Variants in GRIK2 observed in about 807,000 individuals in gnomAD.
GRIK2 encodes glutamate receptor ionotropic, kainate 2.
Under a neutral mutation model 100.3 loss-of-function variants are expected in GRIK2, and 32 were observed. That is an observed-to-expected ratio of 0.32 (90% CI 0.24 to 0.43). The LOEUF is 0.43. GRIK2 is among the 20% of genes least tolerant of loss of function. GRIK2 has a pLI of 1.00. For synonymous variants in GRIK2, 417 were observed against 389.4 expected (o/e 1.07, Z -0.83); for missense variants, 843 against 1,114.9 (o/e 0.76, Z 3.47).
At chr6:101,794,889 G>A (rs1251232923) in intron 7 of GRIK2, among the ~76,000 whole-genome samples, 9 of 144,268 alleles carry the variant, frequency 6.2e-5, no homozygotes, top group African/African-American at 1.8e-4. Flanking sequence ...TTTTTGAGAC[G>A]GAGTCTCACT....
At chr6:101,981,840 G>A (rs1793731045) in intron 14 of GRIK2, among the ~76,000 whole-genome samples, 1 of 151,862 alleles carries the variant, frequency 6.6e-6, no homozygotes, top group South Asian at 2.1e-4. Context: ...TCAAGTTGAA[G>A]ATGAGAAAGT....
intron 11 of GRIK2, among the ~76,000 whole-genome samples, chr6:101,886,872 C>G (rs552400095): frequency 2.3e-5 from 3 of 128,638 alleles, no homozygotes; most frequent in Non-Finnish European, 4.6e-5. Flanking sequence ...TGTTGCCTGG[C>G]TGGAGTGCAG....
At chr6:101,811,614 T>C (rs1781327160) in intron 9 of GRIK2, among the ~76,000 whole-genome samples, 1 of 151,988 alleles carries the variant, frequency 6.6e-6, no homozygotes, top group Non-Finnish European at 1.5e-5. Flanking sequence ...TGTATACATA[T>C]CAAGCAAATT....
chr6:101,858,848 T>C (rs1382932775), intron 10 of GRIK2, among the ~76,000 whole-genome samples: 1 of 152,062 alleles, frequency 6.6e-6, no homozygotes, highest in Non-Finnish European at 1.5e-5. Context: ...GCAATTTTTT[T>C]CATTAATTTT....
intron 7 of GRIK2, among the ~76,000 whole-genome samples, chr6:101,738,523 T>G (rs1423152241): frequency 6.6e-6 from 1 of 152,148 alleles, no homozygotes; most frequent in African/African-American, 2.4e-5. Flanking sequence ...TGCCCTATCT[T>G]CACAGCTTTT....
At chr6:101,595,124 T>C (rs990113697) in intron 2 of GRIK2, among the ~76,000 whole-genome samples, 2 of 151,574 alleles carry the variant, frequency 1.3e-5, no homozygotes, top group Non-Finnish European at 3.0e-5. Context: ...ATAGCCACTT[T>C]TGACAATGTG....
chr6:101,659,611 G>GA (rs1273561350), intron 4 of GRIK2, among the ~76,000 whole-genome samples: 2 of 152,164 alleles, frequency 1.3e-5, no homozygotes, highest in African/African-American at 2.4e-5. Context: ...GCTGGTACTA[G>GA]TTTTTCCTTT....
Position 101,399,634 on chromosome 6 carries a change from C to G in GRIK2, c.115+242C>G, listed in dbSNP as rs1242690408. 2.0e-5 allele frequency among the ~76,000 whole-genome samples: 3 copies of G among 152,146 alleles called. No individual in the cohort carries two copies. In the East Asian group the frequency reaches 5.8e-4, roughly 29 times the overall value. ...TGGTAGTGGTCTCTGCATTACCTCC[C>G]CACAGTAGCTTGCCACGGAGATGAT... On this transcript the variant is annotated intron_variant, in intron 2 of 16. Transcript: ENST00000369134.
At chr6:101,466,794 C>G (rs1771672594) in intron 2 of GRIK2, among the ~76,000 whole-genome samples, 1 of 152,096 alleles carries the variant, frequency 6.6e-6, no homozygotes, top group Non-Finnish European at 1.5e-5. Context: ...AGAGTTTTAG[C>G]AGGAAACTCC....
At position 101,759,432 on chromosome 6, in the gene GRIK2, A is replaced by G. The variant is rs181962192; in HGVS notation, c.952-40216A>G. Reference sequence around the variant, plus strand: ...TTTGCATAACAAAACAGCAGCAACTATTGAGTGTATAGAGATTTAGCTGTG... The same window carrying G: ...TTTGCATAACAAAACAGCAGCAACTGTTGAGTGTATAGAGATTTAGCTGTG... On this transcript the variant is annotated intron_variant, in intron 7 of 16. Coordinates refer to ENST00000369134, the MANE Select transcript of GRIK2 (RefSeq NM_021956.5). Among the ~76,000 whole-genome samples the G allele has an allele frequency of 1.0e-3, 156 of 152,172 alleles. 1 individual carries two copies. Among genetic ancestry groups the G allele is most frequent in the Non-Finnish European group, 2.0e-3 (136 of 68,028 alleles).
intron 14 of GRIK2, among the ~76,000 whole-genome samples, chr6:101,934,273 G>T (rs1790481412): frequency 6.6e-6 from 1 of 151,804 alleles, no homozygotes; most frequent in Admixed American, 6.6e-5. Flanking sequence ...TAAGTGTATT[G>T]ATCATTTTGG....
At chr6:101,850,329 G>A (rs1784062053) in intron 10 of GRIK2, among the ~76,000 whole-genome samples, 2 of 151,968 alleles carry the variant, frequency 1.3e-5, no homozygotes, top group African/African-American at 4.8e-5. Flanking sequence ...TTGGGACAGA[G>A]TAAGAGTTCA....
chr6:101,891,428 A>T (rs1787080595), intron 12 of GRIK2, among the ~76,000 whole-genome samples: 1 of 151,056 alleles, frequency 6.6e-6, no homozygotes, highest in Non-Finnish European at 1.5e-5. Context: ...GAGGCAGGAG[A>T]ATCGCTTGAA....
intron 2 of GRIK2, among the ~76,000 whole-genome samples, chr6:101,455,764 A>G (rs1464573637): frequency 2.6e-5 from 4 of 152,114 alleles, no homozygotes; most frequent in Admixed American, 1.3e-4. Flanking sequence ...CTCTATTTAA[A>G]TATGTTACAG....
At chr6:101,627,379 A>T (rs2786240) in intron 4 of GRIK2, among the ~76,000 whole-genome samples, 26,119 of 151,988 alleles carry the variant, frequency 0.17, 2,428 homozygotes, top group African/African-American at 0.25. Context: ...TGACCTTAAA[A>T]GATTCACCTG....
chr6:101,666,752 C>A (rs1387337948), intron 4 of GRIK2, among the ~76,000 whole-genome samples: 1 of 152,162 alleles, frequency 6.6e-6, no homozygotes, highest in Non-Finnish European at 1.5e-5. Flanking sequence ...AGAGTCCTAG[C>A]AGAAAGTAAA....
chr6:101,664,170 A>T (rs981752143), intron 4 of GRIK2, among the ~76,000 whole-genome samples: 1 of 152,214 alleles, frequency 6.6e-6, no homozygotes, highest in South Asian at 2.1e-4. Context: ...TATTACCAAG[A>T]TAGTCCTGAC....
intron 10 of GRIK2, among the ~76,000 whole-genome samples, chr6:101,819,233 A>C (rs1367380234): frequency 6.6e-6 from 1 of 152,184 alleles, no homozygotes; most frequent in Non-Finnish European, 1.5e-5. Flanking sequence ...ATCAATGACC[A>C]TTCTTATTAA....
intron 2 of GRIK2, among the ~76,000 whole-genome samples, chr6:101,488,515 A>G (rs1201850648): frequency 6.8e-6 from 1 of 146,844 alleles, no homozygotes; most frequent in Non-Finnish European, 1.5e-5. Context: ...GAGATCATCA[A>G]GAGAATTATT....
Sources: allele counts gnomAD v4.1 joint callset (sites outside exome capture counted in the v4.1 genomes callset), GRCh38; gene constraint gnomAD v4.1.1; transcripts MANE v1.5; gene names NCBI Gene and HGNC (gene_info 2026-07-23, HGNC 2026-07-21).